Variants in NDUFS4 observed in about 807,000 individuals in gnomAD.
NDUFS4 encodes NADH dehydrogenase [ubiquinone] iron-sulfur protein 4, mitochondrial.
Under a neutral mutation model 24.3 loss-of-function variants are expected in NDUFS4, and 28 were observed. That is an observed-to-expected ratio of 1.15 (90% CI 0.85 to 1.58). The LOEUF is 1.58. NDUFS4 is among the 40% of genes most tolerant of loss of function. NDUFS4 has a pLI of 0.00. For missense variants in NDUFS4, 223 were observed against 207.9 expected (o/e 1.07, Z -0.45); for synonymous variants, 93 against 69.7 (o/e 1.34, Z -1.67).
intron 1 of NDUFS4, among the ~76,000 whole-genome samples, chr5:53,578,723 G>T (rs1561338536): frequency 6.6e-6 from 1 of 152,008 alleles, no homozygotes; most frequent in Non-Finnish European, 1.5e-5. Flanking sequence ...TCACTGTCCT[G>T]CTCCTCCTCG....
intron 1 of NDUFS4, among the ~76,000 whole-genome samples, chr5:53,580,708 C>CTTTCCT (rs70983361): frequency 1.4e-4 from 21 of 146,518 alleles, no homozygotes; most frequent in African/African-American, 3.9e-4. Flanking sequence ...CTTTCCTTTC[C>CTTTCCT]TTTCCTTTTC....
At chr5:53,647,746 T>C (rs1024934447) in intron 3 of NDUFS4, among the ~76,000 whole-genome samples, 1 of 152,222 alleles carries the variant, frequency 6.6e-6, no homozygotes, top group East Asian at 1.9e-4. Context: ...AAGGTAGTTA[T>C]AAACTTAAAT....
chr5:53,573,831 A>G, intron 1 of NDUFS4: 1 of 214,596 alleles, frequency 4.7e-6, no homozygotes, highest in Non-Finnish European at 9.5e-6. Context: ...ACCTCAGGTG[A>G]TCCTCCTTCC....
intron 2 of NDUFS4, among the ~76,000 whole-genome samples, chr5:53,614,994 T>G (rs1219968304): frequency 6.6e-6 from 1 of 151,996 alleles, no homozygotes; most frequent in African/African-American, 2.4e-5. Context: ...TGTTATCTCC[T>G]TGAAAATTGC....
intron 1 of NDUFS4, 78 bp downstream of exon 1, chr5:53,560,838 G>C: frequency 6.2e-7 from 1 of 1,605,534 alleles, no homozygotes; most frequent in Non-Finnish European, 8.5e-7. Context: ...CTGAGTTCCG[G>C]AGGAGGCCTC....
chr5:53,671,619 G>A (rs1274829969), intron 4 of NDUFS4, among the ~76,000 whole-genome samples: 2 of 152,100 alleles, frequency 1.3e-5, no homozygotes, highest in Admixed American at 6.6e-5. Flanking sequence ...TCAGTTCTTT[G>A]TGTACTAAAA....
intron 1 of NDUFS4, among the ~76,000 whole-genome samples, chr5:53,581,420 T>TC (rs1273569366): frequency 6.6e-6 from 1 of 152,104 alleles, no homozygotes. Flanking sequence ...TCCTTCATAT[T>TC]CCCTGCTCAT....
At chr5:53,682,979 T>G (rs1252690391) in intron 4 of NDUFS4, 139 bp from the exon 5 acceptor site, 11 of 743,026 alleles carry the variant, frequency 1.5e-5, no homozygotes, top group Non-Finnish European at 2.7e-5. Flanking sequence ...AGTAAGTATA[T>G]CTCAGATGTG....
chr5:53,667,770 A>G (rs538757169), intron 4 of NDUFS4, among the ~76,000 whole-genome samples: 33 of 152,364 alleles, frequency 2.2e-4, no homozygotes, highest in South Asian at 8.3e-4. Flanking sequence ...CTCATTCCAC[A>G]GTGGTCTACA....
chr5:53,672,700 C>T lies in NDUFS4; in HGVS notation c.425-10418C>T, dbSNP rs567707988. ...AAATAACATTGGTATGATATTTAGC[C>T]TTATTTACATAGGTGTAGCAAGAGT... On this transcript the variant is annotated intron_variant, in intron 4 of 4. Transcript: ENST00000296684. Among the ~76,000 whole-genome samples, 6 of 152,000 alleles carry T rather than the reference C, an allele frequency of 3.9e-5. No individual in the cohort carries two copies. In the South Asian group the frequency reaches 1.0e-3, roughly 26 times the overall value.
intron 4 of NDUFS4, among the ~76,000 whole-genome samples, chr5:53,671,592 T>C (rs1740247559): frequency 6.6e-6 from 1 of 152,210 alleles, no homozygotes; most frequent in Non-Finnish European, 1.5e-5. Flanking sequence ...TCCTCTGAAA[T>C]GTAGATGAAC....
At chr5:53,677,594 AT>A (rs961713142) in intron 4 of NDUFS4, among the ~76,000 whole-genome samples, 2 of 151,966 alleles carry the variant, frequency 1.3e-5, no homozygotes, top group African/African-American at 4.8e-5. Flanking sequence ...CTAAAAAGCT[AT>A]TTTTCTTTTC....
intron 2 of NDUFS4, among the ~76,000 whole-genome samples, chr5:53,634,204 T>A (rs929712659): frequency 9.2e-5 from 14 of 152,336 alleles, no homozygotes; most frequent in African/African-American, 2.9e-4. Context: ...TACACTTTTT[T>A]AATATGCCTT....
At chr5:53,618,200 A>G (rs944249474) in intron 2 of NDUFS4, among the ~76,000 whole-genome samples, 1 of 152,154 alleles carries the variant, frequency 6.6e-6, no homozygotes, top group African/African-American at 2.4e-5. Flanking sequence ...ATTAATACTC[A>G]GGAGATTGAG....
At chr5:53,629,009 G>T (rs148634815) in intron 2 of NDUFS4, among the ~76,000 whole-genome samples, 246 of 152,014 alleles carry the variant, frequency 1.6e-3, no homozygotes, top group African/African-American at 5.4e-3. Context: ...TTCTCTTGTG[G>T]GCATTTAGTG....
intron 1 of NDUFS4, among the ~76,000 whole-genome samples, chr5:53,561,754 T>G (rs1330346432): frequency 6.6e-6 from 1 of 151,930 alleles, no homozygotes; most frequent in Non-Finnish European, 1.5e-5. Flanking sequence ...ATGCAGAGAA[T>G]TAGGATGAGT....
At chr5:53,593,326 A>G (rs1206221746) in intron 1 of NDUFS4, among the ~76,000 whole-genome samples, 2 of 151,826 alleles carry the variant, frequency 1.3e-5, no homozygotes, top group East Asian at 3.9e-4. Flanking sequence ...AGAGTTGTTC[A>G]TAATATTTCC....
At chr5:53,621,761 G>T (rs1019729342) in intron 2 of NDUFS4, among the ~76,000 whole-genome samples, 3 of 143,810 alleles carry the variant, frequency 2.1e-5, no homozygotes, top group African/African-American at 7.9e-5. Context: ...GAGTGCAGTG[G>T]CGCGATCTCA....
intron 2 of NDUFS4, chr5:53,604,806 G>A (rs1189589103): frequency 4.6e-5 from 21 of 456,224 alleles, no homozygotes; most frequent in Non-Finnish European, 8.4e-5. Context: ...CCTGCTTCAA[G>A]GCATTTGGAG....
Sources: allele counts gnomAD v4.1 joint callset (sites outside exome capture counted in the v4.1 genomes callset), GRCh38; gene constraint gnomAD v4.1.1; transcripts MANE v1.5; gene names NCBI Gene and HGNC (gene_info 2026-07-23, HGNC 2026-07-21).